Variants in IARS1 observed in about 807,000 individuals in gnomAD.
The protein encoded by IARS1 is isoleucine--tRNA ligase, cytoplasmic.
IARS1 carries 124 observed loss-of-function variants against 168.2 expected under a neutral mutation model. The observed-to-expected ratio is 0.74, with a 90% CI of 0.64 to 0.86. The LOEUF (loss-of-function observed/expected upper bound fraction) is 0.86, where lower values mean the gene tolerates loss of function less well. Ranked by LOEUF, IARS1 falls within the 40% of genes least tolerant of loss-of-function variation. IARS1 has a pLI of 0.00. For missense variants in IARS1, 1,452 were observed against 1,515.8 expected (o/e 0.96, Z 0.70); for synonymous variants, 532 against 529.4 (o/e 1.00, Z -0.07).
intron 27 of IARS1, among the ~76,000 whole-genome samples, chr9:92,244,726 C>G (rs1037692174): frequency 1.3e-5 from 2 of 152,138 alleles, no homozygotes; most frequent in African/African-American, 4.8e-5. Context: ...ACACTTGGGA[C>G]AATGACTGAC....
intron 10 of IARS1, among the ~76,000 whole-genome samples, chr9:92,273,063 C>T (rs1273624521): frequency 6.8e-6 from 1 of 147,666 alleles, no homozygotes; most frequent in Non-Finnish European, 1.5e-5. Context: ...ACCCAGGAGA[C>T]GGAGATTGCA....
At chr9:92,234,683 A>G (rs1182859889) in intron 30 of IARS1, among the ~76,000 whole-genome samples, 1 of 152,206 alleles carries the variant, frequency 6.6e-6, no homozygotes, top group Non-Finnish European at 1.5e-5. Flanking sequence ...GACCAGCTCA[A>G]TGCCATACAA....
Position 92,210,815 on chromosome 9 carries a change from C to G in IARS1, c.3781G>C (p.Asp1261His). Residue 1261 changes from aspartate (D) to histidine (H), a missense_variant, in exon 34 of 34, where the codon GAC (aspartate) becomes CAC (histidine). By Grantham distance (81) the Asp-to-His change is moderately conservative. Transcript: ENST00000443024. Reference protein sequence around the residue: ...VYVSVLPTTADF With the variant: ...VYVSVLPTTAHF Reference sequence around the variant, plus strand: ...ACATTGATAAGTACATGCTAGAAGTCTGCTGTTGTTGGTAACACAGAAACA... The same window carrying G: ...ACATTGATAAGTACATGCTAGAAGTGTGCTGTTGTTGGTAACACAGAAACA... 6.2e-7 allele frequency: 1 copy of G among 1,603,232 alleles called. No homozygotes were observed. Among genetic ancestry groups the G allele is most frequent in the Non-Finnish European group, 8.5e-7 (1 of 1,170,162 alleles).
chr9:92,245,046 T>G lies in IARS1; in HGVS notation c.2817A>C (p.Glu939Asp), dbSNP rs1293662136. 6.2e-7 allele frequency: 1 copy of G among 1,614,166 alleles called. No individual in the cohort carries two copies. Among genetic ancestry groups the G allele is most frequent in the South Asian group, 1.1e-5 (1 of 91,090 alleles). ...KTGTIVVEGH[E>D]LHDEDIRLMY... Reference sequence around the variant, plus strand: ...TGAGGCGGATGTCTTCATCGTGCAATTCATGGCCTTCCACAACAATGGTCC... The same window carrying G: ...TGAGGCGGATGTCTTCATCGTGCAAGTCATGGCCTTCCACAACAATGGTCC... Residue 939 changes from glutamate (E) to aspartate (D), a missense_variant, in exon 27 of 34, where the codon GAA becomes GAC. Glu to Asp is a conservative substitution (Grantham distance 45). Transcript: ENST00000443024.
intron 16 of IARS1, 63 bp from the exon 17 acceptor site, chr9:92,263,118 CTG>C (rs1831766364): frequency 1.7e-5 from 19 of 1,108,300 alleles, no homozygotes; most frequent in Non-Finnish European, 2.3e-5. Flanking sequence ...AAGAAAGAAA[CTG>C]TATTTATTCA....
chr9:92,227,427 G>GC (rs1160305217), intron 31 of IARS1, among the ~76,000 whole-genome samples: 2 of 145,904 alleles, frequency 1.4e-5, no homozygotes, highest in African/African-American at 5.1e-5. Flanking sequence ...GGCTGGCCGG[G>GC]CGGGGGGCTG....
chr9:92,251,940 T>A, intron 21 of IARS1, 55 bp from the exon 22 acceptor site: 2 of 1,249,510 alleles, frequency 1.6e-6, no homozygotes, highest in Middle Eastern at 1.9e-4. Context: ...TGTTTATCAT[T>A]AAAAAAATAA....
chr9:92,276,128 T>C (rs1833743590), intron 9 of IARS1, among the ~76,000 whole-genome samples: 1 of 152,070 alleles, frequency 6.6e-6, no homozygotes, highest in East Asian at 1.9e-4. Flanking sequence ...AGCTATATGA[T>C]AGGAGAATGG....
rs185383111 is a variant in IARS1, at chr9:92,282,348, G to A, written c.598-1455C>T. On this transcript the variant is annotated intron_variant, in intron 6 of 33. Coordinates refer to ENST00000443024, the MANE Select transcript of IARS1 (RefSeq NM_002161.6). ...GATGGAATCTCACTCTGTCACCCAAGCTGGAGTGCAGTGACGTGATCTCAG... is the reference window on the plus strand; with the variant it reads ...GATGGAATCTCACTCTGTCACCCAAACTGGAGTGCAGTGACGTGATCTCAG... Among the ~76,000 whole-genome samples the A allele has an allele frequency of 1.7e-3, 253 of 151,570 alleles. 2 individuals carry two copies. Among genetic ancestry groups the A allele is most frequent in the Non-Finnish European group, 2.4e-3 (166 of 67,932 alleles).
In IARS1 at chr9:92,284,833, G is replaced by A. The variant is rs146072390; in HGVS notation, c.597+889C>T. Among the ~76,000 whole-genome samples the A allele has an allele frequency of 4.5e-4, 68 of 152,276 alleles. 2 individuals are homozygous for A. In the East Asian group the frequency reaches 0.01, roughly 22 times the overall value. ...TAAGATTTGACAAAGGTAAGCCTTG[G>A]AAACCTTGTGTTTACCATATCATTC... On this transcript the variant is annotated intron_variant, in intron 6 of 33. Transcript: ENST00000443024.
intron 9 of IARS1, among the ~76,000 whole-genome samples, chr9:92,276,504 G>T (rs914307130): frequency 2.4e-4 from 37 of 152,276 alleles, no homozygotes; most frequent in African/African-American, 8.7e-4. Flanking sequence ...AGCAACGTGG[G>T]AGGAGGAAGA....
chr9:92,284,513 G>A lies in IARS1; in HGVS notation c.597+1209C>T, dbSNP rs574444256. Among the ~76,000 whole-genome samples the A allele has an allele frequency of 1.7e-4, 26 of 152,246 alleles. 1 individual carries two copies. Among genetic ancestry groups the A allele is most frequent in the African/African-American group, 5.8e-4 (24 of 41,522 alleles). On this transcript the variant is annotated intron_variant, in intron 6 of 33. Coordinates refer to ENST00000443024, the MANE Select transcript of IARS1 (RefSeq NM_002161.6). ...TAAAAAACAACCAAACAGGCCGGGC[G>A]CAATGGCTCACAACTGTAATTCCAA...
Position 92,271,605 on chromosome 9 carries a change from GA to G in IARS1, c.1040del (p.Leu347ProfsTer16). 1 of 1,614,078 alleles carries G rather than the reference GA, an allele frequency of 6.2e-7. No individual in the cohort carries two copies. Among genetic ancestry groups the G allele is most frequent in the Non-Finnish European group, 8.5e-7 (1 of 1,179,954 alleles). ...MDFNIIRKDSLPVCPVDASGC... is the reference protein window; with the variant it reads ...MDFNIIRKDSXPVCPVDASGC... ...CTGAAGCATCCACAGGGCAAACAGG[GA>G]GTGAGTCTTTCCGAATAATGTTAAA... is the stretch of plus-strand genomic sequence containing the variant. On this transcript the variant is annotated frameshift_variant, in exon 11 of 34. Coordinates refer to ENST00000443024, the MANE Select transcript of IARS1 (RefSeq NM_002161.6). LOFTEE classifies it high-confidence loss of function.
chr9:92,286,629 T>C lies in IARS1; in HGVS notation c.397-11A>G. ...TCTGCTAACAGTAGACTTTAAAATA[T>C]TAATATTAGAACAGTATTAGACAAT... is the stretch of plus-strand genomic sequence containing the variant. On this transcript the variant is annotated splice_polypyrimidine_tract_variant and intron_variant, in intron 4 of 33. Coordinates refer to ENST00000443024, the MANE Select transcript of IARS1 (RefSeq NM_002161.6). The C allele has an allele frequency of 7.2e-7, 1 of 1,382,078 alleles. No individual in the cohort carries two copies. The highest frequency in any genetic ancestry group is 1.0e-6 in the Non-Finnish European group (1 of 969,760). 85.6% of individuals were successfully genotyped at this position (1,382,078 alleles called of 1,614,324 possible). A position where few individuals can be genotyped will look rare whatever the true frequency, so the allele number is the denominator to read the frequency against.
At chr9:92,252,156 G>A (rs1465165960) in intron 21 of IARS1, among the ~76,000 whole-genome samples, 3 of 152,148 alleles carry the variant, frequency 2.0e-5, no homozygotes, top group Non-Finnish European at 4.4e-5. Flanking sequence ...CAGGGAAGTA[G>A]AGCCTAACTG....
In IARS1 at chr9:92,252,164, C is replaced by G. The variant is rs150303112; in HGVS notation, c.2230-279G>C. Among the ~76,000 whole-genome samples the G allele has an allele frequency of 2.2e-3, 336 of 152,276 alleles. 4 individuals carry two copies. The highest frequency in any genetic ancestry group is 7.6e-3 in the African/African-American group (314 of 41,546). On this transcript the variant is annotated intron_variant, in intron 21 of 33. Transcript: ENST00000443024. ...GAGCTGACAGGGAAGTAGAGCCTAACTGTAGGACCCGAAGGCTGAAGGTAG... is the reference window on the plus strand; with the variant it reads ...GAGCTGACAGGGAAGTAGAGCCTAAGTGTAGGACCCGAAGGCTGAAGGTAG...
chr9:92,275,866 G>A (rs1205352213), intron 9 of IARS1, among the ~76,000 whole-genome samples: 5 of 152,244 alleles, frequency 3.3e-5, no homozygotes, highest in Admixed American at 1.3e-4. Flanking sequence ...TAAAGTCACC[G>A]AAGGTTTCAG....
intron 30 of IARS1, among the ~76,000 whole-genome samples, chr9:92,232,887 ACT>A (rs1020554413): frequency 1.3e-5 from 2 of 152,150 alleles, no homozygotes; most frequent in African/African-American, 4.8e-5. Context: ...TTTAATTATC[ACT>A]CTGGTTAAAT....
At chr9:92,265,241 A>G (rs1832120999) in intron 15 of IARS1, 118 bp from the exon 16 acceptor site, 1 of 944,656 alleles carries the variant, frequency 1.1e-6, no homozygotes, top group East Asian at 2.6e-5. Context: ...GCAAACAGAA[A>G]TATCAGCAAT....
Sources: gnomAD v4.1 joint callset for allele counts (sites outside exome capture counted in the v4.1 genomes callset) on GRCh38, gnomAD v4.1.1 for gene constraint, MANE v1.5 for transcripts, NCBI Gene and HGNC (gene_info 2026-07-23, HGNC 2026-07-21) for gene names.